The following ABTB3 variants were observed in gnomAD, a reference collection of about 807,000 sequenced individuals.
The protein encoded by ABTB3 is ankyrin repeat- and BTB/POZ domain-containing protein 3.
chr12:107,481,883 G>GTCTCTCTCTCTCTCTCTCTCTC, the ABTB3 span, among the ~76,000 whole-genome samples: 160 of 108,294 alleles, frequency 1.5e-3, 6 homozygotes, highest in Non-Finnish European at 2.0e-3. Context: ...GAAATCAAGA[G>GTCTCTCTCTCTCTCTCTCTCTC]TCTCTCTCTC....
chr12:107,382,780 GGGATAGCATTA>G, the ABTB3 span, among the ~76,000 whole-genome samples: 2 of 152,128 alleles, frequency 1.3e-5, no homozygotes, highest in Non-Finnish European at 2.9e-5. Flanking sequence ...GGCTAGGGGA[GGGATAGCATTA>G]GGAGAAATAC....
At chr12:107,610,329 G>T in the ABTB3 span, 1 of 1,614,054 alleles carries the variant, frequency 6.2e-7, no homozygotes, top group Non-Finnish European at 8.5e-7. Flanking sequence ...GCTGGGGCCC[G>T]ATGGGATCAA....
chr12:107,628,700 G>T, the ABTB3 span, among the ~76,000 whole-genome samples: 1 of 152,106 alleles, frequency 6.6e-6, no homozygotes, highest in Non-Finnish European at 1.5e-5. Context: ...TGCTGTTTAG[G>T]AGTTAAAAAT....
the ABTB3 span, among the ~76,000 whole-genome samples, chr12:107,324,145 T>G: frequency 2.0e-5 from 3 of 152,244 alleles, no homozygotes; most frequent in African/African-American, 7.2e-5. Context: ...GCTAAAATGA[T>G]GATGATAGTT....
the ABTB3 span, among the ~76,000 whole-genome samples, chr12:107,461,127 C>T: frequency 6.6e-6 from 1 of 152,132 alleles, no homozygotes; most frequent in African/African-American, 2.4e-5. Context: ...AGGGAACTCC[C>T]ATTTAGGTAA....
the ABTB3 span, among the ~76,000 whole-genome samples, chr12:107,403,235 G>T: frequency 2.0e-5 from 3 of 152,294 alleles, no homozygotes; most frequent in East Asian, 5.8e-4. Flanking sequence ...GCCTGGTAAG[G>T]GCAGAGAAAT....
chr12:107,328,067 G>T, the ABTB3 span, among the ~76,000 whole-genome samples: 2 of 152,164 alleles, frequency 1.3e-5, no homozygotes, highest in Admixed American at 1.3e-4. Flanking sequence ...GATGTAAGGG[G>T]ACTGAAAATT....
the ABTB3 span, among the ~76,000 whole-genome samples, chr12:107,461,510 C>A: frequency 6.6e-6 from 1 of 151,510 alleles, no homozygotes; most frequent in African/African-American, 2.4e-5. Context: ...CTGGAAGGAA[C>A]TGGCCTTGCT....
chr12:107,397,718 T>A, the ABTB3 span, among the ~76,000 whole-genome samples: 1 of 152,226 alleles, frequency 6.6e-6, no homozygotes, highest in South Asian at 2.1e-4. Context: ...CTTCTAATAA[T>A]GTTGAAGTTT....
At chr12:107,653,189 C>A in the ABTB3 span, among the ~76,000 whole-genome samples, 1 of 152,146 alleles carries the variant, frequency 6.6e-6, no homozygotes, top group African/African-American at 2.4e-5. Context: ...TGACAGTGCA[C>A]GTGAATGACG....
chr12:107,354,145 C>T, the ABTB3 span, among the ~76,000 whole-genome samples: 45 of 152,320 alleles, frequency 3.0e-4, no homozygotes, highest in East Asian at 7.7e-3. Flanking sequence ...CTCTTGTCTC[C>T]TGCCTCTTTG....
chr12:107,616,160 G>A, the ABTB3 span, among the ~76,000 whole-genome samples: 3 of 152,250 alleles, frequency 2.0e-5, no homozygotes, highest in South Asian at 2.1e-4. Flanking sequence ...AGAAGGGGTC[G>A]GTTGGTGGTC....
chr12:107,337,412 A>G, the ABTB3 span, among the ~76,000 whole-genome samples: 1 of 152,226 alleles, frequency 6.6e-6, no homozygotes, highest in Non-Finnish European at 1.5e-5. Flanking sequence ...GGAAAAGGAA[A>G]CAAGGCTTTG....
At chr12:107,635,338 C>T in the ABTB3 span, 8 of 1,613,866 alleles carry the variant, frequency 5.0e-6, no homozygotes, top group Non-Finnish European at 6.8e-6. Flanking sequence ...GCTACGGGCC[C>T]TACCCCATCC....
At chr12:107,358,134 T>G in the ABTB3 span, among the ~76,000 whole-genome samples, 285 of 152,296 alleles carry the variant, frequency 1.9e-3, no homozygotes, top group African/African-American at 6.7e-3. Context: ...GAATCCACAT[T>G]CTAGTGGTGG....
At chr12:107,643,731 G>A in the ABTB3 span, among the ~76,000 whole-genome samples, 6 of 149,102 alleles carry the variant, frequency 4.0e-5, no homozygotes, top group Admixed American at 2.7e-4. Context: ...GTGCTTACAC[G>A]TGTTATCTGG....
chr12:107,539,080 C>G, the ABTB3 span, among the ~76,000 whole-genome samples: 2 of 152,194 alleles, frequency 1.3e-5, no homozygotes, highest in Non-Finnish European at 2.9e-5. Context: ...TCAATTTTCC[C>G]ATCTCTGAAA....
chr12:107,657,595 G>A, the ABTB3 span: 8 of 1,614,070 alleles, frequency 5.0e-6, no homozygotes, highest in African/African-American at 5.3e-5. Flanking sequence ...AAGCATTCAA[G>A]CAGCTCCTGT....
chr12:107,658,104 C>T, the ABTB3 span: 40 of 181,956 alleles, frequency 2.2e-4, no homozygotes, highest in Admixed American at 5.4e-5. Flanking sequence ...CATTAAGGAC[C>T]TTGGTAGCTG....
Sources: allele counts gnomAD v4.1 joint callset (sites outside exome capture counted in the v4.1 genomes callset), GRCh38; gene constraint gnomAD v4.1.1; transcripts MANE v1.5; gene names NCBI Gene and HGNC (gene_info 2026-07-23, HGNC 2026-07-21).